Variants in EPAS1 observed in about 807,000 individuals in gnomAD.
EPAS1 encodes the protein endothelial PAS domain protein 1, also known as endothelial PAS domain-containing protein 1.
EPAS1 carries 23 observed loss-of-function variants against 87.9 expected under a neutral mutation model. The ratio of observed to expected loss-of-function variants is 0.26; its 90% confidence interval spans 0.19 to 0.37. EPAS1 has a LOEUF of 0.37. Ranked by LOEUF, EPAS1 falls within the 10% of genes least tolerant of loss-of-function variation. The pLI, the probability that EPAS1 is intolerant of heterozygous loss-of-function variation, is 1.00. For synonymous variants in EPAS1, 508 were observed against 444.3 expected (o/e 1.14, Z -1.80); for missense variants, 1,138 against 1,120.7 (o/e 1.02, Z -0.22).
intron 1 of EPAS1, among the ~76,000 whole-genome samples, chr2:46,332,260 C>G (rs1169700016): frequency 8.0e-6 from 1 of 125,786 alleles, no homozygotes; most frequent in African/African-American, 3.0e-5. Context: ...ATGGACAGAA[C>G]TGGTGTTTCA....
In EPAS1 at chr2:46,375,948, C is replaced by T. The variant is rs889181236; in HGVS notation, c.1034+111C>T. On this transcript the variant is annotated intron_variant, in intron 8 of 15. Transcript: ENST00000263734. The surrounding 1 kb of genome is among the most constrained non-coding windows in gnomAD (Gnocchi z 4.1). ...ATGCCAGGCCTCTCAGCGCCCTGGG[C>T]ACCACCTCAGGGAGGTCTTGCAGGG... 3.5e-6 allele frequency: 5 copies of T among 1,445,268 alleles called. No individual in the cohort carries two copies. The highest frequency in any genetic ancestry group is 4.8e-6 in the Non-Finnish European group (5 of 1,032,148). 89.5% of individuals were successfully genotyped at this position (1,445,268 alleles called of 1,614,324 possible).
chr2:46,380,321 G>T lies in EPAS1; in HGVS notation c.1649G>T (p.Arg550Leu), dbSNP rs772885274. 1.2e-6 allele frequency: 2 copies of T among 1,614,038 alleles called. No homozygotes were observed. The highest frequency in any genetic ancestry group is 1.7e-6 in the Non-Finnish European group (2 of 1,179,984). Residue 550 changes from arginine to leucine, a missense_variant, in exon 12 of 16, where the codon CGG becomes CTG. This residue lies in a region of EPAS1 where 502 missense variants were observed against 427.1 expected (regional missense o/e 1.18). Transcript: ENST00000263734. This position sits in a 1 kb window ranked among gnomAD's most constrained non-coding sequence, Gnocchi z 4.4. Reference sequence around the variant, plus strand: ...CTAAGCCCCATCTGCCCCGAGGAGCGGCTCTTGGCGGAGAACCCACAGTCC... The same window carrying T: ...CTAAGCCCCATCTGCCCCGAGGAGCTGCTCTTGGCGGAGAACCCACAGTCC... ...FQLSPICPEE[R>L]LLAENPQSTP...
In EPAS1 at chr2:46,380,215, GTCTCCCC is replaced by G. The variant is rs1558611755; in HGVS notation, c.1555-9_1555-3del. Reference sequence around the variant, plus strand: ...ACCCCCTTGCCTCTTTGCCGGTGCTGTCTCCCCTCAGACGGATTTCAATGAGCTGGAC... The same window carrying G: ...ACCCCCTTGCCTCTTTGCCGGTGCTGTCAGACGGATTTCAATGAGCTGGAC... On this transcript the variant is annotated splice_region_variant and splice_polypyrimidine_tract_variant and intron_variant, in intron 11 of 15. Transcript: ENST00000263734. This position sits in a 1 kb window ranked among gnomAD's most constrained non-coding sequence, Gnocchi z 4.4. The G allele has an allele frequency of 6.2e-7, 1 of 1,608,138 alleles. No individual in the cohort carries two copies. Among genetic ancestry groups the G allele is most frequent in the East Asian group, 2.2e-5 (1 of 44,876 alleles).
At chr2:46,364,003 C>T (rs1363278284) in intron 6 of EPAS1, among the ~76,000 whole-genome samples, 1 of 152,178 alleles carries the variant, frequency 6.6e-6, no homozygotes, top group African/African-American at 2.4e-5. Context: ...ATCTTAATTG[C>T]TTTGATGAGG....
chr2:46,369,807 C>G lies in EPAS1; in HGVS notation c.780-20C>G, dbSNP rs778178776. 5.7e-6 allele frequency: 9 copies of G among 1,590,320 alleles called. No homozygotes were observed. The South Asian group carries it at 8.9e-5, about 16-fold the overall frequency. On this transcript the variant is annotated intron_variant, in intron 6 of 15. Transcript: ENST00000263734. ...TAATATGGTCTTTCTTCCTTACATG[C>G]TGCCTTTTTAAAAACTCAGAATCAC...
intron 2 of EPAS1, among the ~76,000 whole-genome samples, chr2:46,348,854 C>T (rs1684087341): frequency 6.6e-6 from 1 of 152,182 alleles, no homozygotes; most frequent in Admixed American, 6.5e-5. Flanking sequence ...GATTTTGGAG[C>T]ATTTCAGATT....
chr2:46,383,036 C>G (rs13019414), intron 15 of EPAS1, among the ~76,000 whole-genome samples: 82,370 of 151,958 alleles, frequency 0.54, 22,721 homozygotes, highest in African/African-American at 0.58. Flanking sequence ...AGTTGGGAAG[C>G]GGTCTGGGCA....
chr2:46,358,654 A>G (rs1337090651), intron 4 of EPAS1, among the ~76,000 whole-genome samples: 1 of 152,226 alleles, frequency 6.6e-6, no homozygotes, highest in Non-Finnish European at 1.5e-5. Context: ...CTCAAGTGCC[A>G]TGATTCACAG....
intron 9 of EPAS1, among the ~76,000 whole-genome samples, 177 bp downstream of exon 9, chr2:46,376,930 C>T (rs531692103): frequency 2.6e-5 from 4 of 152,284 alleles, no homozygotes; most frequent in South Asian, 4.2e-4. Flanking sequence ...GAACACCACA[C>T]GCTCCTGCCC....
rs751637813 is a variant in EPAS1, at chr2:46,376,698, G to T, written c.1194G>T (p.Glu398Asp). 6.2e-7 allele frequency: 1 copy of T among 1,613,598 alleles called. No individual in the cohort carries two copies. The highest frequency in any genetic ancestry group is 8.5e-7 in the Non-Finnish European group (1 of 1,180,012). The change falls in exon 9 of 16, where the codon GAG (glutamate) becomes GAT (aspartate). Residue 398 changes from glutamate to aspartate, a missense_variant. Glu to Asp is a conservative substitution (Grantham distance 45). Transcript: ENST00000263734. ...FLFTKLKEEP[E>D]ELAQLAPTPG... ...TCACCAAGCTAAAGGAGGAGCCCGA[G>T]GAGCTGGCCCAGCTGGCTCCCACCC... is the stretch of plus-strand genomic sequence containing the variant.
Position 46,347,383 on chromosome 2 carries a change from C to T in EPAS1, c.217+320C>T. Reference sequence around the variant, plus strand: ...ACTTCTCAATTTGTTGCCATCTGGCCATAAGACCCATCCTCCACACTAGAT... The same window carrying T: ...ACTTCTCAATTTGTTGCCATCTGGCTATAAGACCCATCCTCCACACTAGAT... On this transcript the variant is annotated intron_variant, in intron 2 of 15. Transcript: ENST00000263734. This position sits in a 1 kb window ranked among gnomAD's most constrained non-coding sequence, Gnocchi z 4.2. 1 of 432,694 alleles carries T rather than the reference C, an allele frequency of 2.3e-6. No homozygotes were observed. The highest frequency in any genetic ancestry group is 4.9e-5 in the East Asian group (1 of 20,446). The allele number at this position is 432,694 out of a possible 1,614,324, so 26.8% of individuals were successfully genotyped here.
chr2:46,305,978 C>T (rs1413932706), intron 1 of EPAS1, among the ~76,000 whole-genome samples: 1 of 152,100 alleles, frequency 6.6e-6, no homozygotes, highest in Non-Finnish European at 1.5e-5. Flanking sequence ...GTGTTTTGGT[C>T]TCATTTTTAG....
In EPAS1 at chr2:46,384,972, CT is replaced by C; in HGVS notation, c.*313del. 2.5e-6 allele frequency: 1 copy of C among 403,456 alleles called. No homozygotes were observed. Among genetic ancestry groups the C allele is most frequent in the Non-Finnish European group, 4.7e-6 (1 of 213,592 alleles). 25.0% of individuals were successfully genotyped at this position (403,456 alleles called of 1,614,324 possible). On this transcript the variant is annotated 3_prime_UTR_variant, in exon 16 of 16. Transcript: ENST00000263734. ...TAGGTTTCTCTCCCTCCTTCTCCTTCTCACACACAACTGTCCATACTAACAA... is the reference window on the plus strand; with the variant it reads ...TAGGTTTCTCTCCCTCCTTCTCCTTCCACACACAACTGTCCATACTAACAA...
rs1180228111 is a variant in EPAS1, at chr2:46,380,749, G to A, written c.2045+32G>A. The stretch of plus-strand genomic sequence containing the variant: ...GGCAGATACTCAGCTGTACCAGCAG[G>A]GCCGAACCGAGAGGCACCCACTAGT... On this transcript the variant is annotated intron_variant, in intron 12 of 15. Transcript: ENST00000263734. The surrounding 1 kb of genome is among the most constrained non-coding windows in gnomAD (Gnocchi z 4.4). The A allele has an allele frequency of 1.2e-6, 2 of 1,602,688 alleles. No homozygotes were observed. Among genetic ancestry groups the A allele is most frequent in the South Asian group, 2.2e-5 (2 of 91,066 alleles).
intron 1 of EPAS1, among the ~76,000 whole-genome samples, chr2:46,303,159 G>A (rs1683044999): frequency 6.6e-6 from 1 of 152,192 alleles, no homozygotes; most frequent in Admixed American, 6.5e-5. Context: ...CAAAAGATAA[G>A]CTCTGAGTAG....
chr2:46,343,506 ATTAT>A (rs1374437939), intron 1 of EPAS1, among the ~76,000 whole-genome samples: 6 of 152,230 alleles, frequency 3.9e-5, no homozygotes, highest in African/African-American at 1.4e-4. Flanking sequence ...TTTTTAGCAA[ATTAT>A]TTAATCTCTC....
chr2:46,303,547 C>T (rs1683051420), intron 1 of EPAS1, among the ~76,000 whole-genome samples: 1 of 152,130 alleles, frequency 6.6e-6, no homozygotes, highest in East Asian at 1.9e-4. Context: ...ATTTCTGTTC[C>T]CCTGAGAATA....
At position 46,385,186 on chromosome 2, in the gene EPAS1, GGTT is replaced by G. The variant is rs1366818093; in HGVS notation, c.*527_*529del. On this transcript the variant is annotated 3_prime_UTR_variant, in exon 16 of 16. Coordinates refer to ENST00000263734, the MANE Select transcript of EPAS1 (RefSeq NM_001430.5). ...CTAATCACCATATTGTAAATTTCAG[GGTT>G]TTTTTTTTTTTGTTTAAGCTGACTC... 1 of 46,410 alleles carries G rather than the reference GGTT, an allele frequency of 2.2e-5. No individual in the cohort carries two copies. The highest frequency in any genetic ancestry group is 3.7e-5 in the Non-Finnish European group (1 of 27,194). 2.9% of individuals were successfully genotyped at this position (46,410 alleles called of 1,614,324 possible).
chr2:46,323,798 G>T (rs1683501257), intron 1 of EPAS1, among the ~76,000 whole-genome samples: 1 of 152,120 alleles, frequency 6.6e-6, no homozygotes, highest in Non-Finnish European at 1.5e-5. Context: ...TAGGTCACTT[G>T]CTCATCTGTT....
Sources: gnomAD v4.1 joint callset for allele counts (sites outside exome capture counted in the v4.1 genomes callset) on GRCh38, gnomAD v4.1.1 for gene constraint, gnomAD v4.1.1 regional missense constraint, Gnocchi (gnomAD v3.1) non-coding constraint, MANE v1.5 for transcripts, NCBI Gene and HGNC (gene_info 2026-07-23, HGNC 2026-07-21) for gene names.